CTNNA2: variants seen among roughly 807,000 people sequenced by gnomAD.
CTNNA2 encodes the protein catenin alpha-2.
A neutral mutation model predicts 101.0 loss-of-function variants in CTNNA2; 42 were observed. The observed-to-expected ratio is 0.42, with a 90% CI of 0.32 to 0.54. The LOEUF is 0.54. Ranked by LOEUF, CTNNA2 falls within the 20% of genes least tolerant of loss-of-function variation. The pLI is 0.14. For missense variants in CTNNA2, 871 were observed against 1,223.1 expected (o/e 0.71, Z 4.29); for synonymous variants, 450 against 456.4 (o/e 0.99, Z 0.18).
chr2:79,329,854 A>G (rs1558629543), intron 3 of CTNNA2, among the ~76,000 whole-genome samples: 1 of 152,124 alleles, frequency 6.6e-6, no homozygotes, highest in Non-Finnish European at 1.5e-5. Flanking sequence ...TTTCTTATCT[A>G]CAAGAATGGC....
chr2:80,447,485 C>A (rs190572327), intron 9 of CTNNA2, among the ~76,000 whole-genome samples: 8 of 152,256 alleles, frequency 5.3e-5, no homozygotes, highest in Admixed American at 3.9e-4. Flanking sequence ...TGTGTGTGAG[C>A]AGCCACTCCA....
chr2:80,517,979 C>T (rs1356271121), intron 9 of CTNNA2, among the ~76,000 whole-genome samples: 1 of 152,130 alleles, frequency 6.6e-6, no homozygotes, highest in Non-Finnish European at 1.5e-5. Context: ...CTAGGGATTA[C>T]AAGTAAAACA....
intron 3 of CTNNA2, among the ~76,000 whole-genome samples, chr2:79,348,104 G>A (rs1433330468): frequency 1.3e-5 from 2 of 152,018 alleles, no homozygotes; most frequent in Non-Finnish European, 2.9e-5. Context: ...CAGGCAACAT[G>A]GTATGGACCC....
At chr2:79,523,205 G>A in intron 1 of CTNNA2, 1 of 428,600 alleles carries the variant, frequency 2.3e-6, no homozygotes, top group South Asian at 1.7e-5. Context: ...GCTGTCTACA[G>A]AGATAAAATG....
intron 15 of CTNNA2, among the ~76,000 whole-genome samples, chr2:80,599,770 T>A (rs940277036): frequency 6.6e-6 from 1 of 151,790 alleles, no homozygotes; most frequent in Admixed American, 6.6e-5. Flanking sequence ...TAGTTCAAAA[T>A]TTTTTTTAAT....
At chr2:80,590,742 A>T (rs538842046) in intron 15 of CTNNA2, among the ~76,000 whole-genome samples, 1 of 152,210 alleles carries the variant, frequency 6.6e-6, no homozygotes, top group South Asian at 2.1e-4. Context: ...TTTTACTGTT[A>T]TGAAGGAGCC....
intron 7 of CTNNA2, among the ~76,000 whole-genome samples, chr2:80,327,203 G>C (rs529929081): frequency 6.6e-6 from 1 of 152,210 alleles, no homozygotes; most frequent in Admixed American, 6.5e-5. Flanking sequence ...AAAAGTTAAT[G>C]ATCACAGGCA....
At chr2:80,567,082 A>G (rs1694128107) in intron 12 of CTNNA2, among the ~76,000 whole-genome samples, 1 of 152,168 alleles carries the variant, frequency 6.6e-6, no homozygotes, top group Admixed American at 6.5e-5. Flanking sequence ...AATAGTCACT[A>G]TTTGCGAAGT....
chr2:79,797,840 T>C (rs1429204849), intron 3 of CTNNA2, among the ~76,000 whole-genome samples: 9 of 152,164 alleles, frequency 5.9e-5, no homozygotes. Context: ...TATTAGATGC[T>C]TTAGGATTGC....
At chr2:80,160,815 G>A (rs1704267265) in intron 7 of CTNNA2, among the ~76,000 whole-genome samples, 1 of 151,606 alleles carries the variant, frequency 6.6e-6, no homozygotes, top group Non-Finnish European at 1.5e-5. Context: ...AATAAAAGTG[G>A]TGAGAATAGA....
chr2:79,940,471 C>T (rs1688080304), intron 7 of CTNNA2, among the ~76,000 whole-genome samples: 2 of 152,168 alleles, frequency 1.3e-5, no homozygotes, highest in African/African-American at 4.8e-5. Context: ...ATAAATCTTT[C>T]ACCCCATCCT....
chr2:79,267,287 G>C (rs1237904964), intron 2 of CTNNA2, among the ~76,000 whole-genome samples: 2 of 152,126 alleles, frequency 1.3e-5, no homozygotes, highest in Non-Finnish European at 2.9e-5. Flanking sequence ...ACTTCTTGCA[G>C]TTCTCTAGGC....
At chr2:80,547,573 C>G (rs1692184605) in intron 11 of CTNNA2, among the ~76,000 whole-genome samples, 1 of 151,896 alleles carries the variant, frequency 6.6e-6, no homozygotes, top group Non-Finnish European at 1.5e-5. Flanking sequence ...AGAAACCTGT[C>G]TTGTTTTTTA....
Position 79,280,679 on chromosome 2 carries a change from GAGAGAA to G in CTNNA2, c.-405-32024_-405-32019del, listed in dbSNP as rs1418252215. Reference sequence around the variant, plus strand: ...TGTAAGAGAAAGAGAGAGAGAGAGAGAGAGAAAGAGAGAGAGAGAGAGACCTATAGC... The same window carrying G: ...TGTAAGAGAAAGAGAGAGAGAGAGAGAGAGAGAGAGAGAGAGACCTATAGC... On this transcript the variant is annotated intron_variant, in intron 2 of 21. Transcript: ENST00000466387. Among the ~76,000 whole-genome samples the G allele has an allele frequency of 4.3e-3, 223 of 51,268 alleles. 4 individuals are homozygous for G. Among genetic ancestry groups the G allele is most frequent in the African/African-American group, 8.1e-3 (74 of 9,162 alleles). The allele number at this position is 51,268 out of a possible 152,430, so 33.6% of individuals were successfully genotyped here.
chr2:79,190,268 A>T lies in CTNNA2; in HGVS notation c.-524+4837A>T, dbSNP rs1002602774. Reference sequence around the variant, plus strand: ...CTCTATCTGTACTAATCACCCTTTTAATTTAGGAGTTGGCAAATGCTTAGA... The same window carrying T: ...CTCTATCTGTACTAATCACCCTTTTTATTTAGGAGTTGGCAAATGCTTAGA... On this transcript the variant is annotated intron_variant, in intron 1 of 21. Coordinates refer to the CTNNA2 transcript ENST00000466387. Among the ~76,000 whole-genome samples, 3 of 151,810 alleles carry T rather than the reference A, an allele frequency of 2.0e-5. No individual in the cohort carries two copies. The East Asian group carries it at 5.9e-4, about 30-fold the overall frequency.
chr2:79,429,693 C>T (rs1678630413), intron 4 of CTNNA2, among the ~76,000 whole-genome samples: 1 of 152,014 alleles, frequency 6.6e-6, no homozygotes, highest in Non-Finnish European at 1.5e-5. Flanking sequence ...GTAGGAAATA[C>T]ACAGATTTAA....
intron 6 of CTNNA2, among the ~76,000 whole-genome samples, chr2:79,899,232 G>A (rs1264507594): frequency 6.6e-6 from 1 of 152,076 alleles, no homozygotes; most frequent in East Asian, 1.9e-4. Context: ...CTAAAAATCT[G>A]ATTTGATTAA....
At chr2:80,532,123 A>G (rs1690596631) in intron 9 of CTNNA2, among the ~76,000 whole-genome samples, 1 of 152,192 alleles carries the variant, frequency 6.6e-6, no homozygotes, top group African/African-American at 2.4e-5. Context: ...GACAGAGTTT[A>G]AGGAAAAAAC....
chr2:79,259,024 G>T (rs540400633), intron 2 of CTNNA2, among the ~76,000 whole-genome samples: 1 of 152,086 alleles, frequency 6.6e-6, no homozygotes. Context: ...CTTATTGGCC[G>T]ATTAAGAGTT....
Sources: allele counts gnomAD v4.1 joint callset (sites outside exome capture counted in the v4.1 genomes callset), GRCh38; gene constraint gnomAD v4.1.1; transcripts MANE v1.5; gene names NCBI Gene and HGNC (gene_info 2026-07-23, HGNC 2026-07-21).